UBASH3B: variants seen among roughly 807,000 people sequenced by gnomAD.
UBASH3B encodes the protein ubiquitin-associated and SH3 domain-containing protein B.
UBASH3B carries 37 observed loss-of-function variants against 83.4 expected under a neutral mutation model. The ratio of observed to expected loss-of-function variants is 0.44; its 90% CI spans 0.34 to 0.58. The LOEUF is 0.58. Among genes scored for constraint, UBASH3B ranks in the 20% least tolerant of loss-of-function variants. The probability of loss-of-function intolerance (pLI) is 0.01; values close to 1 mark genes in which losing one functional copy is unlikely to be tolerated. For missense variants in UBASH3B, 657 were observed against 827.2 expected, an observed-to-expected ratio of 0.79 and a Z score of 2.52; for synonymous variants, 304 against 318.3, an observed-to-expected ratio of 0.96 and a Z score of 0.48.
chr11:122,733,379 T>C (rs1280664518), intron 1 of UBASH3B, among the ~76,000 whole-genome samples: 1 of 152,222 alleles, frequency 6.6e-6, no homozygotes, highest in Non-Finnish European at 1.5e-5. Flanking sequence ...GATGAAGGTA[T>C]TGACTTTGGA....
At chr11:122,687,750 C>T (rs1475364186) in intron 1 of UBASH3B, among the ~76,000 whole-genome samples, 1 of 152,104 alleles carries the variant, frequency 6.6e-6, no homozygotes, top group Admixed American at 6.6e-5. Flanking sequence ...GCATTTCCCC[C>T]ACCACACCTC....
intron 1 of UBASH3B, among the ~76,000 whole-genome samples, chr11:122,753,458 G>A (rs1425589948): frequency 2.7e-5 from 4 of 146,876 alleles, no homozygotes; most frequent in Non-Finnish European, 6.0e-5. Flanking sequence ...CTCAAAAAAA[G>A]AAAAGAAAAA....
chr11:122,688,770 T>C (rs1056142725), intron 1 of UBASH3B, among the ~76,000 whole-genome samples: 1 of 151,320 alleles, frequency 6.6e-6, no homozygotes, highest in Non-Finnish European at 1.5e-5. Context: ...TCAGCCTCCC[T>C]AGTAGCTGGG....
chr11:122,747,972 G>GTACA (rs1319948516), intron 1 of UBASH3B, among the ~76,000 whole-genome samples: 1 of 152,216 alleles, frequency 6.6e-6, no homozygotes, highest in African/African-American at 2.4e-5. Context: ...AAAGAGCATA[G>GTACA]TACATACACC....
At position 122,758,365 on chromosome 11, in the gene UBASH3B, C is replaced by T. The variant is rs922914326; in HGVS notation, c.162-17854C>T. Among the ~76,000 whole-genome samples, 8 of 152,228 alleles carry T rather than the reference C, an allele frequency of 5.3e-5. No homozygotes were observed. Among genetic ancestry groups the T allele is most frequent in the Non-Finnish European group, 7.3e-5 (5 of 68,044 alleles). ...TCTTAGCAGCTTAGCAGTGGTGGAACGGGCAGAGTAGAATTTCCTGAGATT... is the reference window on the plus strand; with the variant it reads ...TCTTAGCAGCTTAGCAGTGGTGGAATGGGCAGAGTAGAATTTCCTGAGATT... On this transcript the variant is annotated intron_variant, in intron 1 of 13. Transcript: ENST00000284273. The surrounding 1 kb of genome is among the most constrained non-coding windows in gnomAD (Gnocchi z 4.2).
chr11:122,791,441 T>C (rs1403038150), intron 6 of UBASH3B, among the ~76,000 whole-genome samples: 1 of 152,244 alleles, frequency 6.6e-6, no homozygotes, highest in Non-Finnish European at 1.5e-5. Context: ...GTCTGGTGTA[T>C]AGCGGTGACT....
intron 13 of UBASH3B, 35 bp downstream of exon 13, chr11:122,808,211 C>A: frequency 6.5e-7 from 1 of 1,543,550 alleles, no homozygotes; most frequent in Non-Finnish European, 9.0e-7. Context: ...TCCGTGATGG[C>A]TAGTAGTTTG....
intron 1 of UBASH3B, among the ~76,000 whole-genome samples, chr11:122,710,349 G>A (rs1864175868): frequency 6.6e-6 from 1 of 152,152 alleles, no homozygotes; most frequent in South Asian, 2.1e-4. Context: ...TGGTTGGAGA[G>A]ATGGTGGGGC....
Position 122,796,990 on chromosome 11 carries a change from T to C in UBASH3B, c.1314T>C (p.Asp438=). The C allele has an allele frequency of 6.2e-7, 1 of 1,613,996 alleles. No homozygotes were observed. Among genetic ancestry groups the C allele is most frequent in the South Asian group, 1.1e-5 (1 of 91,068 alleles). Residue 438 remains aspartate, a synonymous_variant, in exon 9 of 14, where the codon GAT becomes GAC. Coordinates refer to ENST00000284273, the MANE Select transcript of UBASH3B (RefSeq NM_032873.5). ...GTGGTTTCCGAGATTACGAGAAAGATGCTCCCATCACTGTGTTTGGATGCA... is the reference window on the plus strand; with the variant it reads ...GTGGTTTCCGAGATTACGAGAAAGACGCTCCCATCACTGTGTTTGGATGCA... The part of the protein sequence containing the change: ...RSGGFRDYEK[D]APITVFGCMQ...
intron 3 of UBASH3B, among the ~76,000 whole-genome samples, 175 bp downstream of exon 3, chr11:122,777,385 A>G (rs1050740403): frequency 7.9e-5 from 12 of 152,292 alleles, no homozygotes; most frequent in African/African-American, 2.4e-4. Context: ...CCTCACCCCA[A>G]CGCTTCCTAG....
intron 1 of UBASH3B, among the ~76,000 whole-genome samples, chr11:122,729,809 A>C (rs1391967876): frequency 1.4e-5 from 2 of 148,038 alleles, no homozygotes; most frequent in Non-Finnish European, 3.0e-5. Context: ...AAAAAAAAAA[A>C]AAAAAAAAAA....
At chr11:122,766,865 G>C (rs1335954132) in intron 1 of UBASH3B, among the ~76,000 whole-genome samples, 1 of 152,290 alleles carries the variant, frequency 6.6e-6, no homozygotes, top group African/African-American at 2.4e-5. Flanking sequence ...TCTGGACTCA[G>C]TTGTGCTTCT....
intron 5 of UBASH3B, among the ~76,000 whole-genome samples, chr11:122,786,114 A>C (rs1860945703): frequency 6.6e-6 from 1 of 152,018 alleles, no homozygotes; most frequent in Non-Finnish European, 1.5e-5. Flanking sequence ...CAGTGGTGCA[A>C]TCTCGGCTCA....
At chr11:122,669,157 A>C (rs1863557831) in intron 1 of UBASH3B, among the ~76,000 whole-genome samples, 1 of 152,238 alleles carries the variant, frequency 6.6e-6, no homozygotes, top group South Asian at 2.1e-4. Flanking sequence ...GCTTACAACA[A>C]CACACATGCA....
rs761296383 is a variant in UBASH3B at position 122,677,309 on chromosome 11, TC to T, written c.161+21103del. On this transcript the variant is annotated intron_variant, in intron 1 of 13. Transcript: ENST00000284273. ...TATCTGAGGGAGGTCCTGGAATCAT[TC>T]CCCTATGGATACCAAGGGAGTACTG... Among the ~76,000 whole-genome samples the T allele has an allele frequency of 1.2e-4, 19 of 152,314 alleles. No individual in the cohort carries two copies. In the South Asian group the frequency reaches 1.9e-3, roughly 15 times the overall value.
chr11:122,772,254 A>G (rs2135133247), intron 1 of UBASH3B, among the ~76,000 whole-genome samples: 1 of 152,288 alleles, frequency 6.6e-6, no homozygotes, highest in South Asian at 2.1e-4. Context: ...CGTCTCCGTC[A>G]TGGCCCTTGG....
chr11:122,806,562 T>C lies in UBASH3B; in HGVS notation c.1702+46T>C. ...CTCCATCTGTACATACGTGATTATTTCTCTATAATGGTTAATAGGTTATTC... is the reference window on the plus strand; with the variant it reads ...CTCCATCTGTACATACGTGATTATTCCTCTATAATGGTTAATAGGTTATTC... On this transcript the variant is annotated intron_variant, in intron 12 of 13. Coordinates refer to ENST00000284273, the MANE Select transcript of UBASH3B (RefSeq NM_032873.5). This position sits in a 1 kb window ranked among gnomAD's most constrained non-coding sequence, Gnocchi z 4.0. 6.6e-7 allele frequency: 1 copy of C among 1,510,808 alleles called. No homozygotes were observed. The highest frequency in any genetic ancestry group is 8.8e-7 in the Non-Finnish European group (1 of 1,138,020). 93.6% of individuals were successfully genotyped at this position (1,510,808 alleles called of 1,614,324 possible).
At chr11:122,745,805 A>G (rs1480475041) in intron 1 of UBASH3B, among the ~76,000 whole-genome samples, 1 of 152,098 alleles carries the variant, frequency 6.6e-6, no homozygotes, top group Non-Finnish European at 1.5e-5. Context: ...CCACTTATCT[A>G]TCAAGGCCCA....
intron 1 of UBASH3B, among the ~76,000 whole-genome samples, chr11:122,680,226 G>A (rs1385684856): frequency 4.6e-5 from 7 of 152,240 alleles, no homozygotes; most frequent in Admixed American, 4.6e-4. Flanking sequence ...GCTGTAGTTT[G>A]CTGGCTCTTG....
Sources: gnomAD v4.1 joint callset for allele counts (sites outside exome capture counted in the v4.1 genomes callset) on GRCh38, gnomAD v4.1.1 for gene constraint, Gnocchi (gnomAD v3.1) non-coding constraint, MANE v1.5 for transcripts, NCBI Gene and HGNC (gene_info 2026-07-23, HGNC 2026-07-21) for gene names.